Variants in SUGCT observed in about 807,000 individuals in gnomAD.
SUGCT encodes succinyl-CoA:glutarate CoA-transferase.
In SUGCT, 41 loss-of-function variants were observed where a neutral mutation model predicts 55.0. The observed-to-expected ratio is 0.74, with a 90% CI of 0.58 to 0.97. SUGCT has a LOEUF of 0.97. Among genes scored for constraint, SUGCT ranks in the 50% least tolerant of loss-of-function variants. SUGCT has a pLI of 0.00. For missense variants in SUGCT, 568 were observed against 547.8 expected (o/e 1.04, Z -0.37); for synonymous variants, 187 against 200.4 (o/e 0.93, Z 0.56).
At chr7:40,920,486 C>T in the SUGCT span, among the ~76,000 whole-genome samples, 1 of 152,106 alleles carries the variant, frequency 6.6e-6, no homozygotes, top group Non-Finnish European at 1.5e-5. Context: ...CCAGGAATGA[C>T]TGAAAAATGC....
intron 12 of SUGCT, among the ~76,000 whole-genome samples, chr7:40,732,547 A>C (rs1403763458): frequency 1.3e-5 from 2 of 152,184 alleles, no homozygotes; most frequent in African/African-American, 4.8e-5. Context: ...AACTTCAAGG[A>C]AAGTCTTTAT....
chr7:40,650,965 ATGT>A, intron 12 of SUGCT, among the ~76,000 whole-genome samples: 1 of 151,102 alleles, frequency 6.6e-6, no homozygotes, highest in East Asian at 2.1e-4. Flanking sequence ...CAAGAACATA[ATGT>A]TGTTTGGTTT....
At chr7:40,858,259 C>T (rs796643701) in intron 13 of SUGCT, among the ~76,000 whole-genome samples, 27 of 151,868 alleles carry the variant, frequency 1.8e-4, no homozygotes, top group South Asian at 4.2e-4. Context: ...CAAAATTAGC[C>T]GGGCATGGTG....
chr7:40,415,319 A>G (rs1786939262), intron 9 of SUGCT, among the ~76,000 whole-genome samples: 1 of 150,572 alleles, frequency 6.6e-6, no homozygotes, highest in Non-Finnish European at 1.5e-5. Flanking sequence ...AAAAATGCAT[A>G]GCAATGCTAT....
intron 12 of SUGCT, among the ~76,000 whole-genome samples, chr7:40,535,065 A>T (rs993256824): frequency 1.3e-5 from 2 of 152,236 alleles, no homozygotes; most frequent in Admixed American, 1.3e-4. Context: ...ATTATCATTT[A>T]TCTAAATATA....
At chr7:40,252,537 G>C (rs1439561614) in intron 7 of SUGCT, among the ~76,000 whole-genome samples, 1 of 152,180 alleles carries the variant, frequency 6.6e-6, no homozygotes, top group East Asian at 1.9e-4. Context: ...TTTCAGAAAT[G>C]ATAGTCATCC....
chr7:40,270,733 A>G (rs1158315601), intron 7 of SUGCT, among the ~76,000 whole-genome samples: 40 of 152,156 alleles, frequency 2.6e-4, no homozygotes, highest in Admixed American at 2.5e-3. Flanking sequence ...TCTGCAAAAA[A>G]GGTATCTAGG....
intron 13 of SUGCT, among the ~76,000 whole-genome samples, chr7:40,758,669 A>G (rs1167368962): frequency 6.6e-6 from 1 of 152,096 alleles, no homozygotes; most frequent in Non-Finnish European, 1.5e-5. Context: ...ATGAAACCAC[A>G]TCTTCATGTT....
intron 6 of SUGCT, among the ~76,000 whole-genome samples, chr7:40,231,399 T>A (rs1788718082): frequency 6.6e-6 from 1 of 152,196 alleles, no homozygotes; most frequent in African/African-American, 2.4e-5. Context: ...AGGAGAGAGA[T>A]ATCCATCAAA....
intron 1 of SUGCT, among the ~76,000 whole-genome samples, chr7:40,157,946 C>T (rs568090033): frequency 1.2e-4 from 19 of 152,288 alleles, no homozygotes; most frequent in African/African-American, 2.9e-4. Flanking sequence ...CAGTTGCTCA[C>T]GCCTGTAATG....
chr7:40,586,586 C>G (rs765120694), intron 12 of SUGCT, among the ~76,000 whole-genome samples: 6 of 151,670 alleles, frequency 4.0e-5, no homozygotes, highest in Non-Finnish European at 7.4e-5. Flanking sequence ...AGGTGATTGA[C>G]AGTGTTAAAT....
At chr7:40,258,440 G>A (rs746206657) in intron 7 of SUGCT, among the ~76,000 whole-genome samples, 11 of 152,076 alleles carry the variant, frequency 7.2e-5, no homozygotes, top group Non-Finnish European at 1.3e-4. Flanking sequence ...GTGCAATGGC[G>A]CGATCTTGGC....
Position 40,151,967 on chromosome 7 carries a change from C to T in SUGCT, c.100+16847C>T, listed in dbSNP as rs376383563. Among the ~76,000 whole-genome samples, 27 of 152,082 alleles carry T rather than the reference C, an allele frequency of 1.8e-4. No homozygotes were observed. In the East Asian group the frequency reaches 2.1e-3, roughly 12 times the overall value. ...GGTCAAAGTGGGTTTTTCTAGCTTT[C>T]TTTTGTTTCTGGGTGGGATCACAGA... is the stretch of plus-strand genomic sequence containing the variant. On this transcript the variant is annotated intron_variant, in intron 1 of 13. Coordinates refer to ENST00000335693, the MANE Select transcript of SUGCT (RefSeq NM_001193313.2).
intron 8 of SUGCT, among the ~76,000 whole-genome samples, chr7:40,277,467 G>T (rs1052927187): frequency 2.6e-5 from 4 of 152,052 alleles, no homozygotes; most frequent in Non-Finnish European, 5.9e-5. Context: ...TGGGATTATA[G>T]GCGTGAGCCA....
intron 9 of SUGCT, among the ~76,000 whole-genome samples, chr7:40,403,498 A>G (rs1487905644): frequency 6.6e-6 from 1 of 152,194 alleles, no homozygotes; most frequent in African/African-American, 2.4e-5. Flanking sequence ...ACATTTGTAA[A>G]ACGGGAATAA....
intron 11 of SUGCT, among the ~76,000 whole-genome samples, chr7:40,488,497 A>G (rs537510882): frequency 7.9e-5 from 12 of 152,194 alleles, no homozygotes; most frequent in South Asian, 2.1e-4. Flanking sequence ...TTCTAAAGAT[A>G]TAAGTAATTT....
chr7:40,326,623 C>T (rs146782765), intron 9 of SUGCT, among the ~76,000 whole-genome samples: 13 of 152,254 alleles, frequency 8.5e-5, no homozygotes, highest in Non-Finnish European at 1.9e-4. Flanking sequence ...GCCTTCAGCT[C>T]ATTGTCCAAA....
At chr7:40,506,426 G>A (rs1286361843) in intron 12 of SUGCT, among the ~76,000 whole-genome samples, 8 of 151,974 alleles carry the variant, frequency 5.3e-5, no homozygotes, top group Admixed American at 3.9e-4. Context: ...GTTCAAGGAC[G>A]AAAGATTTCC....
At chr7:40,203,306 C>T (rs1786723723) in intron 6 of SUGCT, among the ~76,000 whole-genome samples, 1 of 152,150 alleles carries the variant, frequency 6.6e-6, no homozygotes, top group Admixed American at 6.5e-5. Flanking sequence ...TGTTCTGGCA[C>T]TAGGACATTT....
Sources: allele counts gnomAD v4.1 joint callset (sites outside exome capture counted in the v4.1 genomes callset), GRCh38; gene constraint gnomAD v4.1.1; transcripts MANE v1.5; gene names NCBI Gene and HGNC (gene_info 2026-07-23, HGNC 2026-07-21).